The following CIT variants were observed in gnomAD, a reference collection of about 807,000 sequenced individuals.
The protein encoded by CIT is citron Rho-interacting kinase.
A neutral mutation model predicts 272.7 loss-of-function variants in CIT; 79 were observed. The ratio of observed to expected loss-of-function variants is 0.29; its 90% confidence interval spans 0.24 to 0.35. The LOEUF is 0.35. Among genes scored for constraint, CIT ranks in the 10% least tolerant of loss-of-function variants. The probability of loss-of-function intolerance (pLI) is 1.00; values close to 1 mark genes in which losing one functional copy is unlikely to be tolerated. For synonymous variants in CIT, 948 were observed against 995.6 expected (o/e 0.95, Z 0.90); for missense variants, 1,909 against 2,618.3 (o/e 0.73, Z 5.91).
intron 10 of CIT, among the ~76,000 whole-genome samples, chr12:119,796,030 GAA>G (rs1269378122): frequency 6.6e-6 from 1 of 152,222 alleles, no homozygotes; most frequent in Non-Finnish European, 1.5e-5. Context: ...TCAGGCAAAA[GAA>G]GGAAGACCTG....
At chr12:119,766,668 G>C (rs1033833977) in intron 19 of CIT, among the ~76,000 whole-genome samples, 4 of 151,984 alleles carry the variant, frequency 2.6e-5, no homozygotes, top group African/African-American at 9.7e-5. Context: ...AATGTTTGAG[G>C]GGATGGACAC....
chr12:119,813,137 T>G (rs117438304), intron 9 of CIT, among the ~76,000 whole-genome samples: 24 of 152,232 alleles, frequency 1.6e-4, no homozygotes, highest in African/African-American at 5.5e-4. Context: ...CAGAGCTTAC[T>G]GGGTGCTTGC....
At chr12:119,772,700 G>C (rs936787107) in intron 17 of CIT, 70 bp downstream of exon 17, 6 of 1,464,328 alleles carry the variant, frequency 4.1e-6, no homozygotes, top group Admixed American at 4.8e-5. Context: ...TGATGGTCTG[G>C]CAGTTTCTTT....
rs78754436 is a variant in CIT at position 119,762,364 on chromosome 12, T to G, written c.2305-1309A>C. Among the ~76,000 whole-genome samples the G allele has an allele frequency of 1.5e-4, 23 of 152,280 alleles. No homozygotes were observed. In the East Asian group the frequency reaches 4.4e-3, roughly 29 times the overall value. ...ACTCTCTTGGATGTCTGAGCATGAT[T>G]CTAAAATTATGAGCAAGAACAGGGT... is the stretch of plus-strand genomic sequence containing the variant. On this transcript the variant is annotated intron_variant, in intron 19 of 47. Coordinates refer to ENST00000392521, the MANE Select transcript of CIT (RefSeq NM_001206999.2).
chr12:119,860,354 G>A (rs1022883198), intron 3 of CIT, among the ~76,000 whole-genome samples: 6 of 152,030 alleles, frequency 3.9e-5, no homozygotes, highest in Non-Finnish European at 7.4e-5. Context: ...ACAAATCTAG[G>A]GCACCTACAT....
chr12:119,772,259 G>A (rs538832529), intron 17 of CIT, among the ~76,000 whole-genome samples: 1 of 152,124 alleles, frequency 6.6e-6, no homozygotes, highest in Non-Finnish European at 1.5e-5. Context: ...AGTTTTTTAC[G>A]AAAAGGCACT....
At chr12:119,870,117 G>A (rs1399167499) in intron 2 of CIT, among the ~76,000 whole-genome samples, 1 of 152,178 alleles carries the variant, frequency 6.6e-6, no homozygotes, top group Non-Finnish European at 1.5e-5. Context: ...CTCCAATTCT[G>A]TAGGCACATG....
chr12:119,759,733 A>G (rs1263920360), intron 20 of CIT, among the ~76,000 whole-genome samples: 1 of 152,118 alleles, frequency 6.6e-6, no homozygotes, highest in Non-Finnish European at 1.5e-5. Flanking sequence ...CCATCCCCCC[A>G]CCCCTGTGGA....
chr12:119,862,808 T>TAAAAAAAAAA lies in CIT; in HGVS notation c.239-5120_239-5111dup, dbSNP rs1157467178. Among the ~76,000 whole-genome samples the TAAAAAAAAAA allele has an allele frequency of 6.3e-3, 65 of 10,242 alleles. 3 individuals are homozygous for TAAAAAAAAAA. Among genetic ancestry groups the TAAAAAAAAAA allele is most frequent in the South Asian group, 0.015 (2 of 134 alleles). 6.7% of individuals were successfully genotyped at this position (10,242 alleles called of 152,430 possible). On this transcript the variant is annotated intron_variant, in intron 3 of 47. Transcript: ENST00000392521. ...CTGGGTGACAGAGCAAGACTCTACC[T>TAAAAAAAAAA]AAAAAAAAAAAAAAAAAAAAAAAAA...
rs771204891 is a variant in CIT at position 119,834,243 on chromosome 12, A to G, written c.517-15T>C. 6.3e-7 allele frequency: 1 copy of G among 1,575,968 alleles called. No homozygotes were observed. The highest frequency in any genetic ancestry group is 1.2e-5 in the South Asian group (1 of 84,698). ...TATTCCATGACCTGTATAGAATGCC[A>G]AAGTTATTAATTCTTCACACACCCA... On this transcript the variant is annotated splice_polypyrimidine_tract_variant and intron_variant, in intron 5 of 47. Transcript: ENST00000392521.
intron 3 of CIT, among the ~76,000 whole-genome samples, chr12:119,859,692 T>G (rs968743535): frequency 6.6e-6 from 1 of 151,930 alleles, no homozygotes; most frequent in East Asian, 1.9e-4. Context: ...GCGGCCGCTT[T>G]TAATCTCAGC....
intron 13 of CIT, among the ~76,000 whole-genome samples, chr12:119,781,682 G>A (rs1964303796): frequency 6.6e-6 from 1 of 152,142 alleles, no homozygotes; most frequent in Non-Finnish European, 1.5e-5. Context: ...AAAAAAGAGT[G>A]GGCTTTTTAA....
chr12:119,836,284 T>TAAAAAAA lies in CIT; in HGVS notation c.517-2063_517-2057dup, dbSNP rs201559880. On this transcript the variant is annotated intron_variant, in intron 5 of 47. Transcript: ENST00000392521. ...CCTGGCAACAGAGCGAGACTCCATCTAAAAAAAAAAAAAAAAAAAAAAAAA... is the reference window on the plus strand; with the variant it reads ...CCTGGCAACAGAGCGAGACTCCATCTAAAAAAAAAAAAAAAAAAAAAAAAAAAAAAAA... Among the ~76,000 whole-genome samples, 191 of 42,236 alleles carry TAAAAAAA rather than the reference T, an allele frequency of 4.5e-3. 19 individuals are homozygous for TAAAAAAA. Among genetic ancestry groups the TAAAAAAA allele is most frequent in the African/African-American group, 0.018 (177 of 9,826 alleles). 27.7% of individuals were successfully genotyped at this position (42,236 alleles called of 152,430 possible).
At chr12:119,822,773 G>A (rs760845031) in intron 9 of CIT, 47 bp downstream of exon 9, 4 of 1,597,164 alleles carry the variant, frequency 2.5e-6, no homozygotes, top group African/African-American at 1.3e-5. Flanking sequence ...TCTCTTGAGT[G>A]TTTCATAATC....
chr12:119,810,561 G>A (rs1372146576), intron 9 of CIT, among the ~76,000 whole-genome samples: 1 of 151,954 alleles, frequency 6.6e-6, no homozygotes, highest in Non-Finnish European at 1.5e-5. Context: ...AAATTAGCCT[G>A]GAGTGGTGGG....
intron 2 of CIT, among the ~76,000 whole-genome samples, chr12:119,874,577 T>C (rs1258467713): frequency 1.2e-4 from 19 of 152,150 alleles, no homozygotes; most frequent in East Asian, 1.9e-4. Flanking sequence ...AGTAATCTTA[T>C]GATATTAAGT....
At chr12:119,849,730 G>A (rs1289452519) in intron 5 of CIT, among the ~76,000 whole-genome samples, 3 of 149,192 alleles carry the variant, frequency 2.0e-5, no homozygotes, top group African/African-American at 7.4e-5. Context: ...CTGTCACCCA[G>A]GCTGGAGTGC....
intron 23 of CIT, among the ~76,000 whole-genome samples, chr12:119,748,605 G>T (rs191217910): frequency 6.6e-6 from 1 of 152,186 alleles, no homozygotes; most frequent in East Asian, 1.9e-4. Flanking sequence ...ATTAAACAGA[G>T]GGCTTGATAT....
At chr12:119,708,126 G>C in intron 40 of CIT, 53 bp downstream of exon 40, 1 of 1,453,468 alleles carries the variant, frequency 6.9e-7, no homozygotes, top group South Asian at 1.5e-5. Context: ...GGGAAGAGAG[G>C]TAGTGTCAAT....
Sources: allele counts gnomAD v4.1 joint callset (sites outside exome capture counted in the v4.1 genomes callset), GRCh38; gene constraint gnomAD v4.1.1; transcripts MANE v1.5; gene names NCBI Gene and HGNC (gene_info 2026-07-23, HGNC 2026-07-21).